Variants in PRELID2 observed in about 807,000 individuals in gnomAD.
PRELID2 encodes PRELI domain-containing protein 2.
A neutral mutation model predicts 28.4 loss-of-function variants in PRELID2; 25 were observed. That is an observed-to-expected ratio of 0.88 (90% CI 0.64 to 1.23). The LOEUF (loss-of-function observed/expected upper bound fraction) is 1.23, where lower values mean the gene tolerates loss of function less well. Among genes scored for constraint, PRELID2 ranks in the 50% most tolerant of loss-of-function variants. The pLI is 0.00. For synonymous variants in PRELID2, 76 were observed against 71.6 expected, an observed-to-expected ratio of 1.06 and a Z score of -0.31; for missense variants, 201 against 214.4, an observed-to-expected ratio of 0.94 and a Z score of 0.39.
intron 1 of PRELID2, among the ~76,000 whole-genome samples, chr5:145,614,949 T>C (rs1753672708): frequency 6.6e-6 from 1 of 152,160 alleles, no homozygotes; most frequent in Non-Finnish European, 1.5e-5. Flanking sequence ...TTTAAATCCA[T>C]TGTTTCTTTG....
intron 1 of PRELID2, among the ~76,000 whole-genome samples, chr5:145,608,021 C>T (rs1211513504): frequency 4.7e-5 from 7 of 147,396 alleles, no homozygotes; most frequent in African/African-American, 1.8e-4. Context: ...CTTTTTCCAT[C>T]GTTGTTGATT....
At chr5:145,737,432 A>T (rs867019134) in intron 1 of PRELID2, among the ~76,000 whole-genome samples, 39 of 152,236 alleles carry the variant, frequency 2.6e-4, no homozygotes, top group Middle Eastern at 3.4e-3. Flanking sequence ...TATTTAAAAA[A>T]AAAACAAAAA....
At chr5:145,316,544 G>A in the PRELID2 span, among the ~76,000 whole-genome samples, 1 of 152,132 alleles carries the variant, frequency 6.6e-6, no homozygotes, top group Non-Finnish European at 1.5e-5. Context: ...GAAACCTGAT[G>A]CAGAACTACT....
chr5:145,716,665 A>G (rs1220194598), intron 1 of PRELID2, among the ~76,000 whole-genome samples: 1 of 152,140 alleles, frequency 6.6e-6, no homozygotes, highest in Non-Finnish European at 1.5e-5. Flanking sequence ...CAAAGTATAT[A>G]CGCTATTTTA....
At chr5:145,357,021 T>C in the PRELID2 span, among the ~76,000 whole-genome samples, 3 of 152,202 alleles carry the variant, frequency 2.0e-5, no homozygotes, top group Non-Finnish European at 2.9e-5. Context: ...GTATATAAAA[T>C]TCTTGGTTGG....
chr5:145,697,046 T>C (rs1475092612), intron 1 of PRELID2, among the ~76,000 whole-genome samples: 1 of 106,450 alleles, frequency 9.4e-6, no homozygotes, highest in Admixed American at 8.8e-5. Flanking sequence ...TATATATATA[T>C]ATATATATAT....
chr5:145,470,200 AC>A (rs1174601494), downstream of PRELID2, among the ~76,000 whole-genome samples: 3 of 152,104 alleles, frequency 2.0e-5, no homozygotes, highest in Admixed American at 2.0e-4. Context: ...CTCTGTCTTA[AC>A]TACTTGACTC....
At position 145,821,299 on chromosome 5, in the gene PRELID2, CTGTG is replaced by C. The variant is rs543222812; in HGVS notation, c.134-1285_134-1282del. 3.5e-4 allele frequency among the ~76,000 whole-genome samples: 52 copies of C among 146,896 alleles called. No individual in the cohort carries two copies. In the South Asian group the frequency reaches 4.3e-3, roughly 12 times the overall value. On this transcript the variant is annotated intron_variant, in intron 2 of 6. Transcript: ENST00000683046. ...CTCTTCTGTGTGTTTAAGCTCTCTT[CTGTG>C]TGTGTGTATGTGTGTAAGCCCTCTT...
chr5:145,677,661 G>A (rs1259261197), intron 1 of PRELID2, among the ~76,000 whole-genome samples: 2 of 152,040 alleles, frequency 1.3e-5, no homozygotes, highest in East Asian at 1.9e-4. Context: ...TGCTTTCTTC[G>A]TATATAATTG....
chr5:145,822,440 C>T (rs1464088850), intron 2 of PRELID2, among the ~76,000 whole-genome samples: 1 of 152,208 alleles, frequency 6.6e-6, no homozygotes, highest in Admixed American at 6.5e-5. Context: ...GACATGTAAA[C>T]AAATGTGACT....
At chr5:145,267,915 C>T in the PRELID2 span, among the ~76,000 whole-genome samples, 1 of 152,126 alleles carries the variant, frequency 6.6e-6, no homozygotes, top group East Asian at 1.9e-4. Flanking sequence ...TGACGTTAAG[C>T]ACATTTTAAT....
At chr5:145,726,474 G>C (rs1230865552) in intron 1 of PRELID2, among the ~76,000 whole-genome samples, 1 of 152,136 alleles carries the variant, frequency 6.6e-6, no homozygotes, top group East Asian at 1.9e-4. Context: ...GTCTGTCTTG[G>C]TCAATGCCTA....
At chr5:145,643,914 C>T (rs760790619) in intron 1 of PRELID2, among the ~76,000 whole-genome samples, 65 of 152,122 alleles carry the variant, frequency 4.3e-4, no homozygotes, top group Non-Finnish European at 6.6e-4. Flanking sequence ...ATTTTGTTTG[C>T]CAGTATTTTA....
intron 4 of PRELID2, among the ~76,000 whole-genome samples, chr5:145,801,195 T>C (rs1454318465): frequency 2.0e-5 from 3 of 152,226 alleles, no homozygotes; most frequent in Non-Finnish European, 4.4e-5. Flanking sequence ...AGTATCACTT[T>C]TATGTAAATA....
the PRELID2 span, chr5:145,430,000 G>A: frequency 9.8e-5 from 15 of 152,306 alleles, no homozygotes; most frequent in African/African-American, 3.4e-4. Context: ...AGAAAGGCCA[G>A]TCTGTATTAC....
chr5:145,258,048 C>T, the PRELID2 span, among the ~76,000 whole-genome samples: 4 of 152,170 alleles, frequency 2.6e-5, no homozygotes, highest in Non-Finnish European at 4.4e-5. Context: ...CCATGTAAGG[C>T]AACTTTTCTT....
At chr5:145,610,281 C>G (rs2149644337) in intron 1 of PRELID2, among the ~76,000 whole-genome samples, 1 of 152,230 alleles carries the variant, frequency 6.6e-6, no homozygotes. Context: ...CTCTGTGTCC[C>G]CCTGCTTCCT....
the PRELID2 span, among the ~76,000 whole-genome samples, chr5:145,292,326 T>A: frequency 2.0e-5 from 3 of 152,296 alleles, no homozygotes; most frequent in South Asian, 6.2e-4. Flanking sequence ...GGAATTATTA[T>A]GAAATATGAG....
chr5:145,379,062 G>A, the PRELID2 span, among the ~76,000 whole-genome samples: 3 of 152,048 alleles, frequency 2.0e-5, no homozygotes, highest in African/African-American at 7.2e-5. Context: ...CAGCCAGCTG[G>A]ACTTATTTCT....
Sources: gnomAD v4.1 joint callset for allele counts (sites outside exome capture counted in the v4.1 genomes callset) on GRCh38, gnomAD v4.1.1 for gene constraint, MANE v1.5 for transcripts, NCBI Gene and HGNC (gene_info 2026-07-23, HGNC 2026-07-21) for gene names.